The following VWA8 variants were observed in gnomAD, a reference collection of about 807,000 sequenced individuals.
VWA8 encodes the protein von Willebrand factor A domain containing 8.
VWA8 carries 221 observed loss-of-function variants against 241.5 expected under a neutral mutation model. That is an observed-to-expected ratio of 0.91 (90% CI 0.82 to 1.02). VWA8 has a LOEUF of 1.02. Among genes scored for constraint, VWA8 ranks in the 50% least tolerant of loss-of-function variants. VWA8 has a pLI of 0.00. For synonymous variants in VWA8, 852 were observed against 827.1 expected (o/e 1.03, Z -0.52); for missense variants, 2,322 against 2,328.7 (o/e 1.00, Z 0.06).
At chr13:41,939,365 A>G in intron 2 of VWA8, among the ~76,000 whole-genome samples, 1 of 152,236 alleles carries the variant, frequency 6.6e-6, no homozygotes, top group East Asian at 1.9e-4. Context: ...CCGTTTTCAC[A>G]TAGAAAAGTA....
intron 14 of VWA8, among the ~76,000 whole-genome samples, chr13:41,830,024 C>T (rs923624420): frequency 2.0e-5 from 3 of 152,036 alleles, no homozygotes; most frequent in South Asian, 4.1e-4. Flanking sequence ...GGGCGGATCA[C>T]GAGGTCAGGA....
At chr13:41,624,207 G>A (rs1398364171) in intron 37 of VWA8, among the ~76,000 whole-genome samples, 1 of 152,078 alleles carries the variant, frequency 6.6e-6, no homozygotes, top group Non-Finnish European at 1.5e-5. Flanking sequence ...AAAAATTCCT[G>A]GACCAGATGG....
At chr13:41,736,305 T>C (rs1174230076) in intron 21 of VWA8, among the ~76,000 whole-genome samples, 2 of 152,214 alleles carry the variant, frequency 1.3e-5, no homozygotes, top group Non-Finnish European at 2.9e-5. Flanking sequence ...AGAAATATTG[T>C]ACTAAACTCT....
rs372812045 is a variant in VWA8, at chr13:41,595,459, T to A, written c.4987-4694A>T. On this transcript the variant is annotated intron_variant, in intron 40 of 44. Transcript: ENST00000379310. ...ATCTTAAGAATGTACTTTTACAAAG[T>A]AAACACACAATCTTAATCATCCACA... 3.9e-5 allele frequency among the ~76,000 whole-genome samples: 6 copies of A among 152,286 alleles called. No homozygotes were observed. The East Asian group carries it at 7.7e-4, about 20-fold the overall frequency.
chr13:41,858,906 A>G (rs78066982), intron 12 of VWA8, among the ~76,000 whole-genome samples: 21,472 of 152,068 alleles, frequency 0.14, 1,633 homozygotes, highest in East Asian at 0.18. Context: ...GATGAGCTAC[A>G]GACTCATATA....
chr13:41,813,084 C>G (rs2137976661), intron 16 of VWA8, among the ~76,000 whole-genome samples: 2 of 152,210 alleles, frequency 1.3e-5, no homozygotes, highest in Middle Eastern at 6.8e-3. Flanking sequence ...GGCTTGCTCT[C>G]AAACAACAAA....
At chr13:41,830,758 T>A in intron 13 of VWA8, 116 bp from the exon 14 acceptor site, 1 of 817,908 alleles carries the variant, frequency 1.2e-6, no homozygotes. Context: ...AGTCTAATAA[T>A]TTTGTTAGAT....
intron 21 of VWA8, among the ~76,000 whole-genome samples, chr13:41,755,428 T>C (rs2045687813): frequency 6.6e-6 from 1 of 152,030 alleles, no homozygotes; most frequent in Non-Finnish European, 1.5e-5. Flanking sequence ...ATATTTTATT[T>C]GTAATACTAT....
At chr13:41,695,267 AG>A (rs764478736) in intron 29 of VWA8, among the ~76,000 whole-genome samples, 4 of 152,024 alleles carry the variant, frequency 2.6e-5, no homozygotes, top group Non-Finnish European at 4.4e-5. Flanking sequence ...GGGGAAGGGG[AG>A]GGTCTTTATT....
chr13:41,596,788 TACACACACACACACACACACACAC>T (rs142774673), intron 40 of VWA8, among the ~76,000 whole-genome samples: 3 of 136,930 alleles, frequency 2.2e-5, no homozygotes, highest in Non-Finnish European at 4.8e-5. Flanking sequence ...AACCAGAAAG[TACACACACACACACACACACACAC>T]ACACACACAC....
chr13:41,845,010 A>T (rs1409341919), intron 12 of VWA8, among the ~76,000 whole-genome samples: 1 of 152,098 alleles, frequency 6.6e-6, no homozygotes, highest in East Asian at 1.9e-4. Context: ...TTCCTATCAA[A>T]CTCTCAATGT....
chr13:41,753,957 GA>G (rs1206275440), intron 21 of VWA8, among the ~76,000 whole-genome samples: 1 of 152,012 alleles, frequency 6.6e-6, no homozygotes, highest in East Asian at 1.9e-4. Context: ...GCAATTTTAT[GA>G]GCTAAAATGT....
intron 9 of VWA8, among the ~76,000 whole-genome samples, chr13:41,882,264 C>T (rs1257222501): frequency 6.6e-6 from 1 of 150,528 alleles, no homozygotes; most frequent in Non-Finnish European, 1.5e-5. Flanking sequence ...GGAAGAGGCG[C>T]TCGTCACTTC....
At chr13:41,744,819 A>C (rs1457632105) in intron 21 of VWA8, among the ~76,000 whole-genome samples, 1 of 151,894 alleles carries the variant, frequency 6.6e-6, no homozygotes, top group Non-Finnish European at 1.5e-5. Flanking sequence ...GACTTGTTTA[A>C]TTTATTTATT....
At chr13:41,748,478 T>G (rs954407850) in intron 21 of VWA8, among the ~76,000 whole-genome samples, 1 of 152,192 alleles carries the variant, frequency 6.6e-6, no homozygotes, top group Non-Finnish European at 1.5e-5. Context: ...GTCTATTTGA[T>G]TCTTCTCTCT....
chr13:41,628,054 G>C (rs563415900), intron 37 of VWA8, among the ~76,000 whole-genome samples: 6 of 151,794 alleles, frequency 4.0e-5, no homozygotes, highest in Admixed American at 2.0e-4. Flanking sequence ...TTTACATAGG[G>C]TGTACCCCAA....
chr13:41,710,643 A>C (rs555223789), intron 26 of VWA8, among the ~76,000 whole-genome samples: 1 of 152,210 alleles, frequency 6.6e-6, no homozygotes, highest in African/African-American at 2.4e-5. Context: ...TGTACACCTT[A>C]GAACTCCACG....
intron 9 of VWA8, among the ~76,000 whole-genome samples, chr13:41,880,875 G>A (rs1874137334): frequency 6.6e-6 from 1 of 152,126 alleles, no homozygotes; most frequent in South Asian, 2.1e-4. Flanking sequence ...GATATTCAGA[G>A]ATTATGTCAA....
At chr13:41,746,662 T>C (rs1008317946) in intron 21 of VWA8, among the ~76,000 whole-genome samples, 1 of 152,074 alleles carries the variant, frequency 6.6e-6, no homozygotes, top group East Asian at 1.9e-4. Context: ...TCAAAGGAGG[T>C]GTGATTGAGC....
Sources: allele counts gnomAD v4.1 joint callset (sites outside exome capture counted in the v4.1 genomes callset), GRCh38; gene constraint gnomAD v4.1.1; transcripts MANE v1.5; gene names NCBI Gene and HGNC (gene_info 2026-07-23, HGNC 2026-07-21).